Variants in ZNF609 observed in about 807,000 individuals in gnomAD.
The protein encoded by ZNF609 is zinc finger protein 609.
In ZNF609, 11 loss-of-function variants were observed where a neutral mutation model predicts 109.5. That is an observed-to-expected ratio of 0.10 (90% CI 0.06 to 0.17). The LOEUF is 0.17. ZNF609 is among the 10% of genes least tolerant of loss of function. ZNF609 has a pLI of 1.00. For missense variants in ZNF609, 1,559 were observed against 1,772.4 expected (o/e 0.88, Z 2.16); for synonymous variants, 646 against 662.0 (o/e 0.98, Z 0.37).
At chr15:64,469,052 A>AC (rs1344669460) in intron 1 of ZNF609, among the ~76,000 whole-genome samples, 1 of 134,544 alleles carries the variant, frequency 7.4e-6, no homozygotes, top group African/African-American at 2.6e-5. Context: ...AAAAAAAAAA[A>AC]AAAACAACAC....
At chr15:64,511,903 C>T (rs1261072597) in intron 2 of ZNF609, among the ~76,000 whole-genome samples, 4 of 151,484 alleles carry the variant, frequency 2.6e-5, no homozygotes, top group South Asian at 4.2e-4. Flanking sequence ...TTAGTAGAGG[C>T]GGGATTTCAC....
chr15:64,656,139 C>T (rs1022297773), intron 3 of ZNF609, among the ~76,000 whole-genome samples: 1 of 152,124 alleles, frequency 6.6e-6, no homozygotes, highest in Admixed American at 6.6e-5. Context: ...TCTTGGCCCA[C>T]TGCAACCTCC....
intron 3 of ZNF609, among the ~76,000 whole-genome samples, chr15:64,632,169 C>T (rs1896092393): frequency 6.6e-6 from 1 of 152,138 alleles, no homozygotes; most frequent in Non-Finnish European, 1.5e-5. Flanking sequence ...CCTCCCACGT[C>T]AGCCTCCCAA....
chr15:64,477,132 C>CTTTCT (rs1893182207), intron 1 of ZNF609, among the ~76,000 whole-genome samples: 2 of 138,162 alleles, frequency 1.4e-5, no homozygotes, highest in Admixed American at 7.2e-5. Flanking sequence ...TTACTCTTCT[C>CTTTCT]TTTCTTTTTT....
chr15:64,499,447 G>A lies in ZNF609; in HGVS notation c.28G>A (p.Gly10Arg), dbSNP rs1305375384. The A allele has an allele frequency of 6.2e-7, 1 of 1,614,032 alleles. No homozygotes were observed. The highest frequency in any genetic ancestry group is 1.1e-5 in the South Asian group (1 of 91,064). ...GTCCTTGAGCAGTGGAGCCTCCGGA[G>A]GGAAAGGAGTGGATGCAAACCCGGT... MSLSSGASG[G>R]KGVDANPVET... Residue 10 changes from glycine to arginine, a missense_variant, in exon 2 of 10, where the codon GGG becomes AGG. Gly to Arg is a moderately radical substitution (Grantham distance 125). This residue lies in a region of ZNF609 where 26 missense variants were observed against 58.4 expected (regional missense o/e 0.44). Coordinates refer to ENST00000326648, the MANE Select transcript of ZNF609 (RefSeq NM_015042.2).
At chr15:64,614,547 A>T (rs1421869341) in intron 2 of ZNF609, among the ~76,000 whole-genome samples, 1 of 151,948 alleles carries the variant, frequency 6.6e-6, no homozygotes, top group Non-Finnish European at 1.5e-5. Context: ...CTGTATTTCA[A>T]GAGACAAAAA....
chr15:64,625,998 A>T (rs1365928366), intron 3 of ZNF609, among the ~76,000 whole-genome samples: 1 of 147,196 alleles, frequency 6.8e-6, no homozygotes, highest in African/African-American at 2.5e-5. Context: ...TGAACTTAGG[A>T]ATGGTGTCGA....
chr15:64,632,403 G>T (rs1462973288), intron 3 of ZNF609, among the ~76,000 whole-genome samples: 1 of 152,078 alleles, frequency 6.6e-6, no homozygotes, highest in Non-Finnish European at 1.5e-5. Flanking sequence ...TATTTGTGAG[G>T]CATGAAAATT....
chr15:64,675,422 G>A lies in ZNF609; in HGVS notation c.2568G>A (p.Glu856=), dbSNP rs757745608. The change falls in exon 5 of 10, where the codon GAG becomes GAA. Residue 856 remains glutamate (E), a synonymous_variant. Transcript: ENST00000326648. ...SDISDAGEDG[E]GKVDSVKSKD... ...TCTCTGATGCTGGGGAGGATGGGGA[G>A]GGCAAGGTAGACAGTGTCAAATCAA... is the stretch of plus-strand genomic sequence containing the variant. 6.8e-6 allele frequency: 11 copies of A among 1,614,178 alleles called. No individual in the cohort carries two copies. In the South Asian group the frequency reaches 9.9e-5, roughly 14 times the overall value.
chr15:64,680,750 T>G lies in ZNF609; in HGVS notation c.4050T>G (p.Ser1350Arg), dbSNP rs1304132493. ...SVGGASGGER[S>R]VDRPRTSPSQ... Reference sequence around the variant, plus strand: ...GGGGAGCAAGTGGGGGTGAACGGAGTGTTGACCGGCCCCGCACCTCTCCTT... The same window carrying G: ...GGGGAGCAAGTGGGGGTGAACGGAGGGTTGACCGGCCCCGCACCTCTCCTT... The change falls in exon 8 of 10, where the codon AGT becomes AGG. Residue 1350 changes from serine to arginine, a missense_variant. Ser to Arg is a moderately radical substitution (Grantham distance 110). Transcript: ENST00000326648. The G allele has an allele frequency of 6.2e-7, 1 of 1,613,044 alleles. No individual in the cohort carries two copies. Among genetic ancestry groups the G allele is most frequent in the Non-Finnish European group, 8.5e-7 (1 of 1,179,836 alleles).
intron 3 of ZNF609, among the ~76,000 whole-genome samples, chr15:64,633,388 C>A (rs1896116360): frequency 1.3e-5 from 2 of 152,162 alleles, no homozygotes; most frequent in African/African-American, 4.8e-5. Flanking sequence ...CTCAAGTGAT[C>A]CGCCCACTTC....
intron 2 of ZNF609, among the ~76,000 whole-genome samples, chr15:64,583,567 T>C (rs1236151195): frequency 6.6e-6 from 1 of 152,110 alleles, no homozygotes; most frequent in African/African-American, 2.4e-5. Flanking sequence ...AATCAACCCA[T>C]CTTTTGCCTG....
At chr15:64,598,144 T>C (rs991609685) in intron 2 of ZNF609, among the ~76,000 whole-genome samples, 4 of 152,222 alleles carry the variant, frequency 2.6e-5, no homozygotes, top group Non-Finnish European at 5.9e-5. Context: ...TGAGATAGTC[T>C]CGCTCTGTCA....
In ZNF609 at chr15:64,678,155, A is replaced by C. The variant is rs755384626; in HGVS notation, c.3442A>C (p.Lys1148Gln). ...PRMWTYVYPA[K>Q]YSDIKSEDER... ...GATGTGGACATATGTTTATCCTGCC[A>C]AGTACTCAGACATCAAGTCAGAGGA... The change falls in exon 6 of 10, where the codon AAG (lysine) becomes CAG (glutamine). Residue 1148 changes from lysine to glutamine, a missense_variant. Around this residue, in one of 4 missense-constraint regions of ZNF609, gnomAD observed 1,204 missense variants for 1,314.1 expected, o/e 0.92. Transcript: ENST00000326648. The C allele has an allele frequency of 6.2e-7, 1 of 1,614,128 alleles. No individual in the cohort carries two copies. The highest frequency in any genetic ancestry group is 8.5e-7 in the Non-Finnish European group (1 of 1,180,022).
In ZNF609 at chr15:64,681,310, G is replaced by A. The variant is rs778059085; in HGVS notation, c.4164G>A (p.Gly1388=). The A allele has an allele frequency of 1.2e-6, 2 of 1,613,830 alleles. No individual in the cohort carries two copies. The highest frequency in any genetic ancestry group is 2.2e-5 in the East Asian group (1 of 44,880). The part of the protein sequence containing the change: ...PAQYNLPYAA[G]LSSTAIVASQ... ...TAACATGTTCTCCTGCTTATTCAGG[G>A]CTTTCTTCTACAGCCATTGTTGCCA... is the stretch of plus-strand genomic sequence containing the variant. The change falls in exon 9 of 10, where the codon GGG becomes GGA. Residue 1388 remains glycine (G), a splice_region_variant and synonymous_variant. Coordinates refer to ENST00000326648, the MANE Select transcript of ZNF609 (RefSeq NM_015042.2).
chr15:64,540,610 T>A (rs1363329570), intron 2 of ZNF609, among the ~76,000 whole-genome samples: 1 of 151,520 alleles, frequency 6.6e-6, no homozygotes, highest in Non-Finnish European at 1.5e-5. Context: ...TTCACCATGT[T>A]GGCCAGCGTG....
In ZNF609 at chr15:64,675,436, G is replaced by A. The variant is rs1029834090; in HGVS notation, c.2582G>A (p.Ser861Asn). Residue 861 changes from serine (S) to asparagine (N), a missense_variant, in exon 5 of 10, where the codon AGT becomes AAT. Around this residue, in one of 4 missense-constraint regions of ZNF609, gnomAD observed 1,204 missense variants for 1,314.1 expected, o/e 0.92. Transcript: ENST00000326648. ...GAGGATGGGGAGGGCAAGGTAGACA[G>A]TGTCAAATCAAAGGACGCCGAACAG... ...AGEDGEGKVD[S>N]VKSKDAEQLV... The A allele has an allele frequency of 1.9e-6, 3 of 1,614,080 alleles. No homozygotes were observed. The African/African-American group carries it at 4.0e-5, about 22-fold the overall frequency.
chr15:64,573,346 CTTTTTTT>C (rs71133442), intron 2 of ZNF609, among the ~76,000 whole-genome samples: 27 of 72,978 alleles, frequency 3.7e-4, no homozygotes, highest in South Asian at 5.5e-4. Flanking sequence ...GCCCAACTTT[CTTTTTTT>C]TTTTTTTTTT....
At chr15:64,489,922 T>C (rs1893388370) in intron 1 of ZNF609, among the ~76,000 whole-genome samples, 1 of 151,952 alleles carries the variant, frequency 6.6e-6, no homozygotes, top group African/African-American at 2.4e-5. Context: ...AGCCATCCAA[T>C]TATGAGGGGA....
Sources: allele counts gnomAD v4.1 joint callset (sites outside exome capture counted in the v4.1 genomes callset), GRCh38; gene constraint gnomAD v4.1.1; regional missense constraint gnomAD v4.1.1; transcripts MANE v1.5; gene names NCBI Gene and HGNC (gene_info 2026-07-23, HGNC 2026-07-21).